The following VPS8 variants were observed in gnomAD, a reference collection of about 807,000 sequenced individuals.
The protein encoded by VPS8 is VPS8 subunit of CORVET complex.
VPS8 carries 129 observed loss-of-function variants against 216.4 expected under a neutral mutation model. The ratio of observed to expected loss-of-function variants is 0.60; its 90% CI spans 0.52 to 0.69. VPS8 has a LOEUF of 0.69. Ranked by LOEUF, VPS8 falls within the 30% of genes least tolerant of loss-of-function variation. The pLI is 0.00. For missense variants in VPS8, 1,531 were observed against 1,683.5 expected (o/e 0.91, Z 1.59); for synonymous variants, 571 against 565.4 (o/e 1.01, Z -0.14).
chr3:184,838,812 TAC>T, intron 6 of VPS8, 66 bp downstream of exon 6: 1 of 1,276,216 alleles, frequency 7.8e-7, no homozygotes, highest in Admixed American at 2.6e-5. Context: ...GATTTATCAT[TAC>T]ATTGTTCAAA....
At chr3:184,971,304 T>C (rs1434181881) in intron 39 of VPS8, among the ~76,000 whole-genome samples, 1 of 152,144 alleles carries the variant, frequency 6.6e-6, no homozygotes, top group Non-Finnish European at 1.5e-5. Flanking sequence ...ATTTAAGAAA[T>C]AGGCAGAAGA....
At chr3:184,866,244 G>A (rs1727335023) in intron 16 of VPS8, among the ~76,000 whole-genome samples, 2 of 152,292 alleles carry the variant, frequency 1.3e-5, no homozygotes, top group South Asian at 4.1e-4. Context: ...CTGATACTTG[G>A]CTACAACATG....
At chr3:185,018,275 GA>G (rs1756110313) in intron 45 of VPS8, among the ~76,000 whole-genome samples, 1 of 152,204 alleles carries the variant, frequency 6.6e-6, no homozygotes, top group African/African-American at 2.4e-5. Context: ...ACCTTTTTAA[GA>G]GACTCCTGTA....
chr3:184,930,403 G>A, intron 33 of VPS8, 67 bp from the exon 34 acceptor site: 2 of 1,110,430 alleles, frequency 1.8e-6, no homozygotes, highest in Admixed American at 1.8e-5. Flanking sequence ...ACCAAGACTG[G>A]TTCAGTTGGT....
At chr3:184,890,066 C>T (rs1040320232) in intron 22 of VPS8, among the ~76,000 whole-genome samples, 13 of 152,136 alleles carry the variant, frequency 8.5e-5, no homozygotes, top group African/African-American at 2.9e-4. Flanking sequence ...TAAAAATGGT[C>T]AGTTCCCTAT....
intron 46 of VPS8, among the ~76,000 whole-genome samples, chr3:185,039,900 A>G (rs1759412327): frequency 6.6e-6 from 1 of 152,142 alleles, no homozygotes; most frequent in Non-Finnish European, 1.5e-5. Context: ...AAGCAGAGGA[A>G]GTTTCAGCAT....
Position 184,863,630 on chromosome 3 carries a change from A to T in VPS8, c.1395+563A>T, listed in dbSNP as rs189707447. 1.3e-4 allele frequency among the ~76,000 whole-genome samples: 20 copies of T among 152,310 alleles called. No individual in the cohort carries two copies. The South Asian group carries it at 1.4e-3, about 11-fold the overall frequency. ...GACGCAACAAAGTTATGGCCTTAGC[A>T]TTAATTTTATTGTATCATTAAGCAA... On this transcript the variant is annotated intron_variant, in intron 16 of 47. Transcript: ENST00000625842.
intron 13 of VPS8, 134 bp downstream of exon 13, chr3:184,854,307 G>T: frequency 1.0e-6 from 1 of 992,738 alleles, no homozygotes; most frequent in Non-Finnish European, 1.5e-6. Context: ...TCCAGAGATC[G>T]TTGGCTGGAC....
chr3:185,004,511 GGGGAGA>G (rs1216571416), intron 45 of VPS8, among the ~76,000 whole-genome samples: 11 of 129,732 alleles, frequency 8.5e-5, no homozygotes, highest in East Asian at 2.3e-4. Flanking sequence ...GGGAGACCGC[GGGGAGA>G]GGGAGAGGGA....
intron 40 of VPS8, among the ~76,000 whole-genome samples, chr3:184,979,537 TTTATCA>T (rs1749842981): frequency 6.6e-6 from 1 of 152,248 alleles, no homozygotes; most frequent in Admixed American, 6.5e-5. Context: ...AATTGAGCCC[TTTATCA>T]TTATTTAATA....
chr3:184,933,659 G>A (rs537787926), intron 34 of VPS8, among the ~76,000 whole-genome samples: 1 of 152,098 alleles, frequency 6.6e-6, no homozygotes, highest in South Asian at 2.1e-4. Context: ...TTTGTGCATA[G>A]TATGAGATGG....
At chr3:185,041,702 T>C (rs1711664044) in intron 46 of VPS8, among the ~76,000 whole-genome samples, 1 of 152,246 alleles carries the variant, frequency 6.6e-6, no homozygotes, top group Admixed American at 6.5e-5. Flanking sequence ...TGTGCTGTGC[T>C]GAATTATCAC....
intron 45 of VPS8, among the ~76,000 whole-genome samples, chr3:185,006,684 G>A (rs1240279603): frequency 6.6e-6 from 1 of 152,084 alleles, no homozygotes. Context: ...CCCTGGTTAA[G>A]TTCCTACACA....
At chr3:184,849,021 T>C (rs1723733524) in intron 8 of VPS8, 50 bp from the exon 9 acceptor site, 1 of 1,604,030 alleles carries the variant, frequency 6.2e-7, no homozygotes, top group Non-Finnish European at 8.5e-7. Flanking sequence ...ACTCGATGTA[T>C]TTACTCTCTT....
At chr3:184,983,838 A>C (rs1577061486) in intron 42 of VPS8, among the ~76,000 whole-genome samples, 1 of 145,018 alleles carries the variant, frequency 6.9e-6, no homozygotes, top group Admixed American at 7.0e-5. Context: ...AGTCTTTATA[A>C]TTTTCAAATG....
In VPS8 at chr3:185,031,114, C is replaced by T. The variant is rs183646814; in HGVS notation, c.4056+6725C>T. Among the ~76,000 whole-genome samples, 23 of 136,508 alleles carry T rather than the reference C, an allele frequency of 1.7e-4. No individual in the cohort carries two copies. The East Asian group carries it at 4.5e-3, about 27-fold the overall frequency. 89.6% of individuals were successfully genotyped at this position (136,508 alleles called of 152,430 possible). A position where few individuals can be genotyped will look rare whatever the true frequency, so the allele number is the denominator to read the frequency against. On this transcript the variant is annotated intron_variant, in intron 46 of 47. Transcript: ENST00000625842. ...TTTAAGGGAAAAAGCCTCACAAAGC[C>T]ACTGTTTCCATAACAACCAGAAAAG...
At chr3:184,836,289 G>C (rs771412715) in intron 5 of VPS8, 6 of 456,706 alleles carry the variant, frequency 1.3e-5, no homozygotes, top group South Asian at 9.3e-5. Flanking sequence ...ACCACCTGTT[G>C]AGGATTACAT....
chr3:184,957,101 A>G (rs1220507744), intron 36 of VPS8, among the ~76,000 whole-genome samples: 1 of 152,222 alleles, frequency 6.6e-6, no homozygotes, highest in Non-Finnish European at 1.5e-5. Context: ...ATAAAACACA[A>G]CTTTTGGTAT....
intron 36 of VPS8, among the ~76,000 whole-genome samples, chr3:184,949,396 G>A (rs371951961): frequency 1.1e-4 from 16 of 152,226 alleles, no homozygotes; most frequent in Admixed American, 8.5e-4. Context: ...AGCTGTCTTA[G>A]ATCTGCTGTT....
Sources: gnomAD v4.1 joint callset for allele counts (sites outside exome capture counted in the v4.1 genomes callset) on GRCh38, gnomAD v4.1.1 for gene constraint, MANE v1.5 for transcripts, NCBI Gene and HGNC (gene_info 2026-07-23, HGNC 2026-07-21) for gene names.